Variants in INTS7 observed in about 807,000 individuals in gnomAD.
The protein encoded by INTS7 is chromosome 1 open reading frame 73.
In INTS7, 46 loss-of-function variants were observed where a neutral mutation model predicts 109.2. The observed-to-expected ratio is 0.42, with a 90% CI of 0.33 to 0.54. The LOEUF is 0.54. Among genes scored for constraint, INTS7 ranks in the 20% least tolerant of loss-of-function variants. The pLI, the probability that INTS7 is intolerant of heterozygous loss-of-function variation, is 0.07. For missense variants in INTS7, 929 were observed against 1,132.4 expected (o/e 0.82, Z 2.58); for synonymous variants, 412 against 402.9 (o/e 1.02, Z -0.27).
At chr1:212,032,343 A>G (rs1667202891) in intron 1 of INTS7, among the ~76,000 whole-genome samples, 1 of 152,156 alleles carries the variant, frequency 6.6e-6, no homozygotes, top group South Asian at 2.1e-4. Context: ...CAGTAGCCAG[A>G]CTGATACTTT....
At chr1:212,007,203 T>C (rs780006784) in intron 6 of INTS7, 47 bp downstream of exon 6, 1 of 1,259,472 alleles carries the variant, frequency 7.9e-7, no homozygotes, top group Non-Finnish European at 1.1e-6. Flanking sequence ...ATATATTTAA[T>C]ATGTAAGTTT....
In INTS7 at chr1:211,952,704, GAAGTA is replaced by G; in HGVS notation, c.2184-8_2184-4del. On this transcript the variant is annotated splice_polypyrimidine_tract_variant and splice_region_variant and intron_variant, in intron 16 of 19. Transcript: ENST00000366994. ...CAGTAGATCCATATTCCTGGAAACTGAAGTAAAGGTCAATATTCATTAATCCATCA... is the reference window on the plus strand; with the variant it reads ...CAGTAGATCCATATTCCTGGAAACTGAAGGTCAATATTCATTAATCCATCA... 1 of 1,610,746 alleles carries G rather than the reference GAAGTA, an allele frequency of 6.2e-7. No homozygotes were observed.
rs1662962152 is a variant in INTS7 at position 211,948,915 on chromosome 1, C to T, written c.2317-2210G>A. ...AGAGACAGGGTTTCACCATGTTGGTCAGGCTGATCTCAAACTCCTGACCTC... is the reference window on the plus strand; with the variant it reads ...AGAGACAGGGTTTCACCATGTTGGTTAGGCTGATCTCAAACTCCTGACCTC... On this transcript the variant is annotated intron_variant, in intron 17 of 19. Transcript: ENST00000366994. Among the ~76,000 whole-genome samples, 3 of 152,220 alleles carry T rather than the reference C, an allele frequency of 2.0e-5. No homozygotes were observed. The South Asian group carries it at 6.2e-4, about 32-fold the overall frequency.
intron 4 of INTS7, among the ~76,000 whole-genome samples, chr1:212,015,501 G>A (rs943388942): frequency 1.3e-5 from 2 of 151,838 alleles, no homozygotes; most frequent in Non-Finnish European, 2.9e-5. Flanking sequence ...ACAGATGCTT[G>A]AAGGCAGCAT....
At position 211,959,259 on chromosome 1, in the gene INTS7, C is replaced by G. The variant is rs1663503641; in HGVS notation, c.2184-6558G>C. ...CTTGCTGACTTGCTCCCATAGGAGA[C>G]TTTATCCCTAAGGGAACTGTCAGAC... On this transcript the variant is annotated intron_variant, in intron 16 of 19. Coordinates refer to ENST00000366994, the MANE Select transcript of INTS7 (RefSeq NM_015434.4). The surrounding 1 kb of genome is among the most constrained non-coding windows in gnomAD (Gnocchi z 4.2). Among the ~76,000 whole-genome samples, 1 of 152,162 alleles carries G rather than the reference C, an allele frequency of 6.6e-6. No individual in the cohort carries two copies.
At chr1:211,960,413 A>C (rs1663565671) in intron 16 of INTS7, among the ~76,000 whole-genome samples, 1 of 152,180 alleles carries the variant, frequency 6.6e-6, no homozygotes, top group Non-Finnish European at 1.5e-5. Context: ...TTTTCTTCCG[A>C]ATGACTGCAC....
rs11119831 is a variant in INTS7, at chr1:211,983,968, G to A, written c.998-1158C>T. 2.0e-3 allele frequency among the ~76,000 whole-genome samples: 297 copies of A among 151,878 alleles called. 4 individuals are homozygous for A. The highest frequency in any genetic ancestry group is 7.0e-3 in the African/African-American group (288 of 41,418). On this transcript the variant is annotated intron_variant, in intron 8 of 19. Coordinates refer to ENST00000366994, the MANE Select transcript of INTS7 (RefSeq NM_015434.4). Reference sequence around the variant, plus strand: ...TAGTCTCAAACTCCAGGACTCCAGCGATCCTCCCACCTCAGCTTCCAAGTA... The same window carrying A: ...TAGTCTCAAACTCCAGGACTCCAGCAATCCTCCCACCTCAGCTTCCAAGTA...
chr1:212,001,694 T>G (rs924477511), intron 7 of INTS7, among the ~76,000 whole-genome samples: 1 of 152,226 alleles, frequency 6.6e-6, no homozygotes, highest in Non-Finnish European at 1.5e-5. Flanking sequence ...AGGTTATCAA[T>G]GACTTCATAT....
intron 4 of INTS7, among the ~76,000 whole-genome samples, chr1:212,014,553 C>T (rs1184996895): frequency 6.6e-6 from 1 of 151,326 alleles, no homozygotes; most frequent in African/African-American, 2.4e-5. Context: ...CTCTCCCTCC[C>T]CCTCCCCCTC....
At chr1:211,972,341 G>A (rs1347605891) in intron 13 of INTS7, among the ~76,000 whole-genome samples, 3 of 152,094 alleles carry the variant, frequency 2.0e-5, no homozygotes, top group African/African-American at 2.4e-5. Flanking sequence ...CACACCTTGG[G>A]CAGGCTGAAT....
chr1:212,013,824 T>C (rs1472169015), intron 4 of INTS7, among the ~76,000 whole-genome samples: 3 of 152,236 alleles, frequency 2.0e-5, no homozygotes, highest in Non-Finnish European at 2.9e-5. Context: ...GGCTATACCA[T>C]ATAACCTAGG....
At chr1:212,022,474 A>G (rs1212923049) in intron 1 of INTS7, among the ~76,000 whole-genome samples, 1 of 152,208 alleles carries the variant, frequency 6.6e-6, no homozygotes, top group African/African-American at 2.4e-5. Flanking sequence ...TTTTAAATGG[A>G]CAAGAATTGA....
At chr1:211,997,547 A>AAC (rs1271784761) in intron 7 of INTS7, among the ~76,000 whole-genome samples, 2 of 150,284 alleles carry the variant, frequency 1.3e-5, no homozygotes, top group Non-Finnish European at 3.0e-5. Context: ...AAAAAAAAAA[A>AAC]AAAGGGAGAG....
intron 1 of INTS7, among the ~76,000 whole-genome samples, chr1:212,029,238 AAG>A (rs1667052517): frequency 6.6e-6 from 1 of 152,364 alleles, no homozygotes; most frequent in South Asian, 2.1e-4. Flanking sequence ...TTAAAAGCTT[AAG>A]AAACAATTTT....
chr1:212,026,498 T>G, intron 1 of INTS7, among the ~76,000 whole-genome samples: 1 of 152,148 alleles, frequency 6.6e-6, no homozygotes, highest in South Asian at 2.1e-4. Context: ...CCTCTGAAGC[T>G]CTAGAAATCC....
chr1:211,987,536 A>G (rs1664945745), intron 8 of INTS7, among the ~76,000 whole-genome samples: 1 of 152,166 alleles, frequency 6.6e-6, no homozygotes. Context: ...AAAACTCACT[A>G]CTACTTGACC....
intron 1 of INTS7, among the ~76,000 whole-genome samples, chr1:212,024,495 T>C (rs1463717640): frequency 1.3e-5 from 2 of 152,218 alleles, no homozygotes; most frequent in African/African-American, 4.8e-5. Flanking sequence ...ACTATATACA[T>C]AGCAATACTA....
Position 211,968,693 on chromosome 1 carries a change from T to C in INTS7, c.1830A>G (p.Pro610=). ...GIASLTAAST[P]LNPLSFQCEF... Reference sequence around the variant, plus strand: ...CACACTGAAAGCTTAAAGGATTCAGTGGTGTACTAGCTGCCTGGGAAAAAA... The same window carrying C: ...CACACTGAAAGCTTAAAGGATTCAGCGGTGTACTAGCTGCCTGGGAAAAAA... The change falls in exon 14 of 20, where the codon CCA becomes CCG. Residue 610 remains proline (P), a synonymous_variant. Transcript: ENST00000366994. 1 of 1,604,444 alleles carries C rather than the reference T, an allele frequency of 6.2e-7. No homozygotes were observed. Among genetic ancestry groups the C allele is most frequent in the Non-Finnish European group, 8.5e-7 (1 of 1,176,940 alleles).
At chr1:212,012,999 G>T (rs574393851) in intron 4 of INTS7, among the ~76,000 whole-genome samples, 2 of 152,340 alleles carry the variant, frequency 1.3e-5, no homozygotes, top group East Asian at 3.9e-4. Flanking sequence ...GTGGTAATCA[G>T]ATGGTAATTA....
Sources: gnomAD v4.1 joint callset for allele counts (sites outside exome capture counted in the v4.1 genomes callset) on GRCh38, gnomAD v4.1.1 for gene constraint, Gnocchi (gnomAD v3.1) non-coding constraint, MANE v1.5 for transcripts, NCBI Gene and HGNC (gene_info 2026-07-23, HGNC 2026-07-21) for gene names.